Variants in XKR4 observed in about 807,000 individuals in gnomAD.
XKR4 encodes the protein XK-related protein 4.
A neutral mutation model predicts 53.9 loss-of-function variants in XKR4; 12 were observed. The ratio of observed to expected loss-of-function variants is 0.22; its 90% confidence interval spans 0.14 to 0.36. XKR4 has a LOEUF of 0.36. Among genes scored for constraint, XKR4 ranks in the 10% least tolerant of loss-of-function variants. The pLI, the probability that XKR4 is intolerant of heterozygous loss-of-function variation, is 1.00. For missense variants in XKR4, 799 were observed against 859.5 expected (o/e 0.93, Z 0.88); for synonymous variants, 354 against 362.4 (o/e 0.98, Z 0.26).
chr8:55,505,614 T>C (rs1282350677), intron 2 of XKR4, among the ~76,000 whole-genome samples: 3 of 152,216 alleles, frequency 2.0e-5, no homozygotes. Flanking sequence ...CATGTATTTG[T>C]GAATTTTACA....
intron 2 of XKR4, chr8:55,452,339 C>T (rs1805462356): frequency 1.6e-6 from 1 of 633,316 alleles, no homozygotes; most frequent in African/African-American, 1.8e-5. Flanking sequence ...ACACCACCTT[C>T]TCCCCCACCA....
chr8:55,151,880 G>T (rs1816845415), intron 1 of XKR4, among the ~76,000 whole-genome samples: 2 of 152,086 alleles, frequency 1.3e-5, no homozygotes, highest in Admixed American at 6.6e-5. Context: ...GACCAATTTA[G>T]CCATTTCCCT....
intron 1 of XKR4, among the ~76,000 whole-genome samples, chr8:55,308,681 T>G (rs1472040672): frequency 6.6e-6 from 1 of 152,296 alleles, no homozygotes; most frequent in East Asian, 1.9e-4. Context: ...TGAAAATTTG[T>G]GTTCATATAA....
At chr8:55,367,415 G>T (rs1262471178) in intron 2 of XKR4, among the ~76,000 whole-genome samples, 2 of 152,154 alleles carry the variant, frequency 1.3e-5, no homozygotes, top group Non-Finnish European at 2.9e-5. Flanking sequence ...GAGTAATATG[G>T]TTAATGTTAC....
chr8:55,461,363 G>C (rs904243347), intron 2 of XKR4, among the ~76,000 whole-genome samples: 13 of 152,254 alleles, frequency 8.5e-5, no homozygotes, highest in African/African-American at 2.9e-4. Flanking sequence ...CAGGCAAACA[G>C]GGTCTGGAGT....
At chr8:55,259,878 G>A (rs186817527) in intron 1 of XKR4, among the ~76,000 whole-genome samples, 7 of 152,004 alleles carry the variant, frequency 4.6e-5, no homozygotes, top group Admixed American at 2.6e-4. Context: ...TGCCCTAGCC[G>A]TCCTATCTAA....
intron 1 of XKR4, among the ~76,000 whole-genome samples, chr8:55,276,537 GCAATTC>G (rs982766173): frequency 6.6e-6 from 1 of 152,196 alleles, no homozygotes; most frequent in African/African-American, 2.4e-5. Context: ...AAACCACAAT[GCAATTC>G]TTCACATTAA....
intron 1 of XKR4, among the ~76,000 whole-genome samples, chr8:55,159,428 A>G (rs1463790072): frequency 6.6e-6 from 1 of 152,216 alleles, no homozygotes; most frequent in Non-Finnish European, 1.5e-5. Context: ...CACATTTTAT[A>G]TTACAAGGCA....
chr8:55,471,783 C>T (rs1459074449), intron 2 of XKR4, among the ~76,000 whole-genome samples: 1 of 151,948 alleles, frequency 6.6e-6, no homozygotes, highest in East Asian at 1.9e-4. Flanking sequence ...TGGGACCTTC[C>T]CCACCCCCTC....
intron 2 of XKR4, among the ~76,000 whole-genome samples, chr8:55,408,435 C>G (rs1244059842): frequency 2.0e-5 from 3 of 152,152 alleles, no homozygotes; most frequent in Non-Finnish European, 4.4e-5. Context: ...CTCAATAATT[C>G]TGTATCATAT....
In XKR4 at chr8:55,103,255, A is replaced by G. The variant is rs1423425555; in HGVS notation, c.767A>G (p.Gln256Arg). Reference protein sequence around the residue: ...ASCSFCIWLLQSLIHILQLGQ... With the variant: ...ASCSFCIWLLRSLIHILQLGQ... ...TGCTCCTTCTGCATCTGGCTCCTGC[A>G]GTCACTCATCCACATCTTGCAGCTC... The change falls in exon 1 of 3, where the codon CAG (glutamine) becomes CGG (arginine). Residue 256 changes from glutamine to arginine, a missense_variant. This residue lies in a region of XKR4 where 476 missense variants were observed against 505.4 expected (regional missense o/e 0.94). Transcript: ENST00000327381. 1 of 1,613,406 alleles carries G rather than the reference A, an allele frequency of 6.2e-7. No individual in the cohort carries two copies. Among genetic ancestry groups the G allele is most frequent in the Admixed American group, 1.7e-5 (1 of 59,972 alleles).
intron 1 of XKR4, among the ~76,000 whole-genome samples, chr8:55,252,408 G>A (rs1818373924): frequency 6.6e-6 from 1 of 152,134 alleles, no homozygotes; most frequent in Non-Finnish European, 1.5e-5. Context: ...GACTATTTTT[G>A]TTTTATTGTG....
At chr8:55,245,823 C>T (rs1384874940) in intron 1 of XKR4, among the ~76,000 whole-genome samples, 1 of 152,092 alleles carries the variant, frequency 6.6e-6, no homozygotes, top group Non-Finnish European at 1.5e-5. Flanking sequence ...GGCTGGGTGC[C>T]ATGGCTCATG....
chr8:55,330,136 C>G (rs1803362469), intron 1 of XKR4, among the ~76,000 whole-genome samples: 1 of 152,132 alleles, frequency 6.6e-6, no homozygotes, highest in Non-Finnish European at 1.5e-5. Flanking sequence ...TCAGACATTA[C>G]TGGTGATTTT....
chr8:55,336,062 A>G (rs1803456203), intron 1 of XKR4, among the ~76,000 whole-genome samples: 1 of 151,614 alleles, frequency 6.6e-6, no homozygotes, highest in African/African-American at 2.4e-5. Context: ...AAAAAAAAGA[A>G]AAGAAAAACA....
chr8:55,522,148 G>A (rs1019860242), intron 2 of XKR4, among the ~76,000 whole-genome samples: 2 of 152,202 alleles, frequency 1.3e-5, no homozygotes, highest in African/African-American at 2.4e-5. Context: ...ACATCTGGAC[G>A]ATAGAGATGA....
intron 2 of XKR4, among the ~76,000 whole-genome samples, chr8:55,445,456 G>A (rs1805333859): frequency 6.6e-6 from 1 of 152,130 alleles, no homozygotes; most frequent in Non-Finnish European, 1.5e-5. Flanking sequence ...TTTATATAAA[G>A]TGACTATATG....
intron 1 of XKR4, among the ~76,000 whole-genome samples, chr8:55,354,723 A>G (rs1251593108): frequency 6.6e-6 from 1 of 151,988 alleles, no homozygotes; most frequent in Non-Finnish European, 1.5e-5. Context: ...AAAAAAACAC[A>G]CATGCACAAA....
intron 1 of XKR4, among the ~76,000 whole-genome samples, chr8:55,236,027 C>T (rs1019108390): frequency 1.3e-5 from 2 of 152,170 alleles, no homozygotes; most frequent in African/African-American, 4.8e-5. Context: ...TGCCTTGTTC[C>T]AGGCCTGCTT....
Sources: gnomAD v4.1 joint callset for allele counts (sites outside exome capture counted in the v4.1 genomes callset) on GRCh38, gnomAD v4.1.1 for gene constraint, gnomAD v4.1.1 regional missense constraint, MANE v1.5 for transcripts, NCBI Gene and HGNC (gene_info 2026-07-23, HGNC 2026-07-21) for gene names.